The following FCRLB variants were observed in gnomAD, a reference collection of about 807,000 sequenced individuals.
FCRLB encodes the protein Fc receptor like B.
A neutral mutation model predicts 33.6 loss-of-function variants in FCRLB; 34 were observed. That is an observed-to-expected ratio of 1.01 (90% confidence interval 0.77 to 1.35). The LOEUF is 1.35. FCRLB is among the 40% of genes most tolerant of loss of function. The pLI, the probability that FCRLB is intolerant of heterozygous loss-of-function variation, is 0.00. For missense variants in FCRLB, 560 were observed against 580.2 expected, an observed-to-expected ratio of 0.97 and a Z score of 0.36; for synonymous variants, 280 against 255.9, an observed-to-expected ratio of 1.09 and a Z score of -0.90.
intron 2 of FCRLB, among the ~76,000 whole-genome samples, chr1:161,722,379 T>C (rs1683400454): frequency 6.6e-6 from 1 of 152,130 alleles, no homozygotes; most frequent in African/African-American, 2.4e-5. Flanking sequence ...GGCTCTCTTG[T>C]GCTGTGGAGG....
At chr1:161,722,592 C>G in intron 2 of FCRLB, 61 bp from the exon 3 acceptor site, 1 of 1,528,474 alleles carries the variant, frequency 6.5e-7, no homozygotes. Flanking sequence ...GTGGCATCCA[C>G]TGGCCACATT....
Position 161,726,941 on chromosome 1 carries a change from C to T in FCRLB, c.813C>T (p.Thr271=), listed in dbSNP as rs374086173. ...AATCGTACTGGTGCGAGGCGGCTAC[C>T]GCCACCCGCAGTGTCCGGAAACGCA... Residue 271 remains threonine (T), a synonymous_variant, in exon 7 of 8, where the codon ACC becomes ACT. Coordinates refer to ENST00000367948, the Ensembl canonical transcript of FCRLB. This position sits in a 1 kb window ranked among gnomAD's most constrained non-coding sequence, Gnocchi z 5.2. 14 of 1,556,090 alleles carry T rather than the reference C, an allele frequency of 9.0e-6. No homozygotes were observed. The highest frequency in any genetic ancestry group is 1.2e-5 in the Non-Finnish European group (14 of 1,149,718).
chr1:161,726,605 G>C lies in FCRLB; in HGVS notation c.575-98G>C. 1 of 1,492,442 alleles carries C rather than the reference G, an allele frequency of 6.7e-7. No homozygotes were observed. The highest frequency in any genetic ancestry group is 9.0e-7 in the Non-Finnish European group (1 of 1,107,808). The allele number at this position is 1,492,442 out of a possible 1,614,324, so 92.4% of individuals were successfully genotyped here. A position where few individuals can be genotyped will look rare whatever the true frequency, so the allele number is the denominator to read the frequency against. On this transcript the variant is annotated intron_variant, in intron 6 of 7. Transcript: ENST00000367948. The surrounding 1 kb of genome is among the most constrained non-coding windows in gnomAD (Gnocchi z 5.2). Reference sequence around the variant, plus strand: ...CACGGCCTCCTCCCCTCCCCCCTTGGTCTGTGGGTCTGCAAGGAGCCCTCG... The same window carrying C: ...CACGGCCTCCTCCCCTCCCCCCTTGCTCTGTGGGTCTGCAAGGAGCCCTCG...
intron 7 of FCRLB, 106 bp downstream of exon 7, chr1:161,727,099 C>A: frequency 1.5e-6 from 2 of 1,342,988 alleles, no homozygotes; most frequent in Non-Finnish European, 1.9e-6. Flanking sequence ...GTCCCGCCCC[C>A]CGCCTTTCCC....
At chr1:161,723,577 G>A (rs753454454) in exon 5 of FCRLB, 10 of 1,614,058 alleles carry the variant, frequency 6.2e-6, no homozygotes, top group Middle Eastern at 1.6e-4. Context: ...TGCCAGACAC[G>A]GGGAGCACCC....
At chr1:161,727,148 G>A in intron 7 of FCRLB, 99 bp from the exon 8 acceptor site, 3 of 1,373,458 alleles carry the variant, frequency 2.2e-6, no homozygotes, top group South Asian at 3.0e-5. Context: ...CCCTCTTCCG[G>A]CCTTCCCCAT....
At chr1:161,722,921 AAG>A in intron 3 of FCRLB, 66 bp from the exon 4 acceptor site, 13 of 1,603,758 alleles carry the variant, frequency 8.1e-6, no homozygotes. Context: ...TCTTGTCGTC[AAG>A]AGTCTCTCTC....
chr1:161,727,176 C>T (rs1683614470), intron 7 of FCRLB, 71 bp from the exon 8 acceptor site: 2 of 1,025,200 alleles, frequency 2.0e-6, no homozygotes, highest in Admixed American at 2.5e-5. Flanking sequence ...CACCGCCCTA[C>T]GCCCCTCCCC....
exon 8 of FCRLB, chr1:161,727,653 G>A: frequency 6.3e-7 from 1 of 1,594,882 alleles, no homozygotes; most frequent in Non-Finnish European, 8.6e-7. Context: ...CCACTCCTGT[G>A]GAGAGCTGAG....
chr1:161,723,828 T>A (rs956713433), intron 5 of FCRLB, among the ~76,000 whole-genome samples: 1 of 152,198 alleles, frequency 6.6e-6, no homozygotes, highest in African/African-American at 2.4e-5. Context: ...AAGGTCCCCT[T>A]ACCCTCCTGC....
At chr1:161,727,157 ATCCCCGCC>A in intron 7 of FCRLB, 82 bp from the exon 8 acceptor site, 6 of 1,002,384 alleles carry the variant, frequency 6.0e-6, no homozygotes, top group Non-Finnish European at 7.6e-6. Flanking sequence ...GGCCTTCCCC[ATCCCCGCC>A]CACCGCCCTA....
exon 8 of FCRLB, chr1:161,727,279 C>A: frequency 6.2e-7 from 1 of 1,612,188 alleles, no homozygotes; most frequent in Non-Finnish European, 8.5e-7. Flanking sequence ...CACCACCGCC[C>A]CAGCTCCATG....
In FCRLB at chr1:161,725,996, C is replaced by A. The variant is rs200243110; in HGVS notation, c.483C>A (p.Ser161Arg). The change falls in exon 6 of 8, where the codon AGC becomes AGA. Residue 161 changes from serine (S) to arginine (R), a missense_variant. Physicochemically the swap from Ser to Arg is moderately radical, Grantham distance 110. Transcript: ENST00000367948. ...ACACTGTGTTACAGGCGCGTGCCAG[C>A]GACAGCGGGCGCTACCAGTGCTCGG... is the stretch of plus-strand genomic sequence containing the variant. 7.4e-6 allele frequency: 12 copies of A among 1,614,170 alleles called. No individual in the cohort carries two copies. The African/African-American group carries it at 1.6e-4, about 21-fold the overall frequency.
chr1:161,726,141 G>A lies in FCRLB; in HGVS notation c.574+54G>A. On this transcript the variant is annotated intron_variant, in intron 6 of 7. Transcript: ENST00000367948. The surrounding 1 kb of genome is among the most constrained non-coding windows in gnomAD (Gnocchi z 5.2). Reference sequence around the variant, plus strand: ...AGGCAAATGAGCATTGAGAAATTCTGGGACAGGAGCTCGGCGAGAAAAGAA... The same window carrying A: ...AGGCAAATGAGCATTGAGAAATTCTAGGACAGGAGCTCGGCGAGAAAAGAA... 1.9e-6 allele frequency: 3 copies of A among 1,610,124 alleles called. No homozygotes were observed. Among genetic ancestry groups the A allele is most frequent in the Non-Finnish European group, 2.5e-6 (3 of 1,177,596 alleles).
At chr1:161,722,371 C>T (rs1683400330) in intron 2 of FCRLB, among the ~76,000 whole-genome samples, 1 of 152,138 alleles carries the variant, frequency 6.6e-6, no homozygotes. Flanking sequence ...TTCTATGGGG[C>T]TCTCTTGTGC....
In FCRLB at chr1:161,727,823, C is replaced by G. The variant is rs1474098154; in HGVS notation, c.*161C>G. On this transcript the variant is annotated 3_prime_UTR_variant, in exon 8 of 8. Transcript: ENST00000367948. ...AGTGGCTGACGATTTCAACCTCACA[C>G]AGCAGTTTGTAACCGCAAGCATTCT... The G allele has an allele frequency of 3.6e-6, 3 of 822,294 alleles. No individual in the cohort carries two copies. The East Asian group carries it at 8.1e-5, about 22-fold the overall frequency. The allele number at this position is 822,294 out of a possible 1,614,324, so 50.9% of individuals were successfully genotyped here. A position where few individuals can be genotyped will look rare whatever the true frequency, so the allele number is the denominator to read the frequency against.
At chr1:161,724,424 C>CT (rs1372932707) in intron 5 of FCRLB, among the ~76,000 whole-genome samples, 1 of 48,698 alleles carries the variant, frequency 2.1e-5, no homozygotes, top group Non-Finnish European at 3.4e-5. Context: ...ACACTCTCTA[C>CT]TAAAAAAAAA....
At chr1:161,723,647 G>C (rs749491641) in intron 5 of FCRLB, 26 bp downstream of exon 5, 3 of 1,604,176 alleles carry the variant, frequency 1.9e-6, no homozygotes, top group East Asian at 2.2e-5. Context: ...ACGAGGGGAG[G>C]GGGAGCACGT....
chr1:161,726,217 G>C lies in FCRLB; in HGVS notation c.574+130G>C. ...CTTGGAGGGTTTCTCTTAGACTATGGACGCTGTCTCCTCTCCTTTGCCGTG... is the reference window on the plus strand; with the variant it reads ...CTTGGAGGGTTTCTCTTAGACTATGCACGCTGTCTCCTCTCCTTTGCCGTG... On this transcript the variant is annotated intron_variant, in intron 6 of 7. Coordinates refer to ENST00000367948, the Ensembl canonical transcript of FCRLB. The surrounding 1 kb of genome is among the most constrained non-coding windows in gnomAD (Gnocchi z 5.2). The C allele has an allele frequency of 7.0e-7, 1 of 1,428,904 alleles. No homozygotes were observed. Among genetic ancestry groups the C allele is most frequent in the Non-Finnish European group, 9.7e-7 (1 of 1,034,842 alleles). The allele number at this position is 1,428,904 out of a possible 1,614,324, so 88.5% of individuals were successfully genotyped here. A position where few individuals can be genotyped will look rare whatever the true frequency, so the allele number is the denominator to read the frequency against.
Sources: gnomAD v4.1 joint callset for allele counts (sites outside exome capture counted in the v4.1 genomes callset) on GRCh38, gnomAD v4.1.1 for gene constraint, Gnocchi (gnomAD v3.1) non-coding constraint, MANE v1.5 for transcripts, NCBI Gene and HGNC (gene_info 2026-07-23, HGNC 2026-07-21) for gene names.